PEX5L: variants seen among roughly 807,000 people sequenced by gnomAD.
PEX5L encodes the protein peroxisomal biogenesis factor 5 like, also known as PEX5-related protein.
Under a neutral mutation model 84.0 loss-of-function variants are expected in PEX5L, and 30 were observed. That is an observed-to-expected ratio of 0.36 (90% CI 0.27 to 0.48). The LOEUF is 0.48. PEX5L is among the 20% of genes least tolerant of loss of function. The pLI, the probability that PEX5L is intolerant of heterozygous loss-of-function variation, is 0.99. For synonymous variants in PEX5L, 270 were observed against 283.1 expected (o/e 0.95, Z 0.46); for missense variants, 533 against 754.6 (o/e 0.71, Z 3.44).
At chr3:179,832,635 C>G (rs1267691021) in intron 8 of PEX5L, among the ~76,000 whole-genome samples, 5 of 151,208 alleles carry the variant, frequency 3.3e-5, no homozygotes, top group Non-Finnish European at 7.4e-5. Flanking sequence ...TTCCTACTTA[C>G]TTACCTACCC....
intron 2 of PEX5L, among the ~76,000 whole-genome samples, chr3:179,931,223 A>G (rs540325342): frequency 3.3e-5 from 5 of 152,362 alleles, no homozygotes; most frequent in African/African-American, 1.2e-4. Flanking sequence ...AATTGGTGCC[A>G]GTATTGGGAC....
chr3:179,835,906 G>T (rs1434215447), intron 8 of PEX5L, among the ~76,000 whole-genome samples: 1 of 152,036 alleles, frequency 6.6e-6, no homozygotes, highest in Non-Finnish European at 1.5e-5. Context: ...AGAAAACAAT[G>T]ATTTTTATTT....
intron 2 of PEX5L, among the ~76,000 whole-genome samples, chr3:179,943,753 A>G (rs551559822): frequency 5.9e-5 from 9 of 152,336 alleles, no homozygotes; most frequent in Non-Finnish European, 1.0e-4. Context: ...GAATTCTTAG[A>G]TGCTCAAGTC....
rs1453301367 is a variant in PEX5L, at chr3:179,797,342, A to C, written c.*4486T>G. 2 of 152,168 alleles carry C rather than the reference A, an allele frequency of 1.3e-5. No homozygotes were observed. Among genetic ancestry groups the C allele is most frequent in the Non-Finnish European group, 2.9e-5 (2 of 68,028 alleles). The allele number at this position is 152,168 out of a possible 1,614,324, so 9.4% of individuals were successfully genotyped here. A position where few individuals can be genotyped will look rare whatever the true frequency, so the allele number is the denominator to read the frequency against. On this transcript the variant is annotated 3_prime_UTR_variant, in exon 15 of 15. Transcript: ENST00000467460. Reference sequence around the variant, plus strand: ...AAGAAAAGCAAATAGAAAAACTGTAACACAAAGTTCATAAAAATGCTCCCT... The same window carrying C: ...AAGAAAAGCAAATAGAAAAACTGTACCACAAAGTTCATAAAAATGCTCCCT...
intron 4 of PEX5L, among the ~76,000 whole-genome samples, chr3:179,885,717 G>C (rs1755644913): frequency 6.6e-6 from 1 of 151,700 alleles, no homozygotes; most frequent in Non-Finnish European, 1.5e-5. Flanking sequence ...AAGCACACAT[G>C]CAGAGAAAAC....
chr3:179,844,851 A>AT lies in PEX5L; in HGVS notation c.822+14210dup, dbSNP rs1288407317. On this transcript the variant is annotated intron_variant, in intron 8 of 14. Transcript: ENST00000467460. The stretch of plus-strand genomic sequence containing the variant: ...TCTCAAAAACAAAACAAAACAAAAA[A>AT]TATTAAATAAATAAATGCATCTTTC... 2.0e-4 allele frequency among the ~76,000 whole-genome samples: 30 copies of AT among 152,316 alleles called. 1 individual carries two copies. Among genetic ancestry groups the AT allele is most frequent in the African/African-American group, 7.2e-4 (30 of 41,570 alleles).
At chr3:179,844,983 A>G (rs1435961561) in intron 8 of PEX5L, among the ~76,000 whole-genome samples, 1 of 152,226 alleles carries the variant, frequency 6.6e-6, no homozygotes. Flanking sequence ...GATTGGTCAT[A>G]CTTATTCTGT....
At chr3:179,849,397 A>C (rs1489064625) in intron 8 of PEX5L, among the ~76,000 whole-genome samples, 2 of 152,220 alleles carry the variant, frequency 1.3e-5, no homozygotes, top group South Asian at 4.1e-4. Context: ...TTTCCATCTG[A>C]TCTCATAGCA....
chr3:179,888,606 A>C (rs942112095), intron 3 of PEX5L, among the ~76,000 whole-genome samples: 5 of 150,830 alleles, frequency 3.3e-5, no homozygotes, highest in African/African-American at 1.2e-4. Context: ...GGGAGAAAAC[A>C]CACTTTTGAT....
At chr3:179,815,579 G>T (rs1435768981) in intron 10 of PEX5L, among the ~76,000 whole-genome samples, 1 of 152,116 alleles carries the variant, frequency 6.6e-6, no homozygotes, top group Non-Finnish European at 1.5e-5. Flanking sequence ...AGCAAGACTT[G>T]TCTCAAAAAA....
At chr3:179,825,145 G>C (rs576905293) in intron 8 of PEX5L, among the ~76,000 whole-genome samples, 20 of 152,282 alleles carry the variant, frequency 1.3e-4, no homozygotes, top group African/African-American at 4.8e-4. Context: ...GAGTAACCCT[G>C]CTGATGAAGA....
intron 2 of PEX5L, among the ~76,000 whole-genome samples, chr3:179,905,356 T>C (rs1298497249): frequency 6.6e-6 from 1 of 151,732 alleles, no homozygotes; most frequent in Non-Finnish European, 1.5e-5. Context: ...CACTGCAAGC[T>C]CTGCCTCCCA....
chr3:179,903,783 T>A (rs747108921), intron 2 of PEX5L, among the ~76,000 whole-genome samples: 10 of 152,206 alleles, frequency 6.6e-5, no homozygotes, highest in Non-Finnish European at 1.5e-4. Context: ...TGTGCTCCTG[T>A]AGATTTCTTC....
chr3:179,846,070 T>C (rs1466768922), intron 8 of PEX5L, among the ~76,000 whole-genome samples: 2 of 152,018 alleles, frequency 1.3e-5, no homozygotes, highest in African/African-American at 4.8e-5. Context: ...CTCAGGAGGC[T>C]GAGGCAGCAG....
chr3:179,920,279 T>A (rs1450233416), intron 2 of PEX5L, among the ~76,000 whole-genome samples: 2 of 152,198 alleles, frequency 1.3e-5, no homozygotes, highest in African/African-American at 4.8e-5. Flanking sequence ...CCTTTCTTCA[T>A]CCTGCTCTTT....
At chr3:179,809,201 G>C (rs2108777279) in intron 12 of PEX5L, among the ~76,000 whole-genome samples, 1 of 151,992 alleles carries the variant, frequency 6.6e-6, no homozygotes, top group Admixed American at 6.6e-5. Context: ...CTTCACCTTG[G>C]GTGAATTCTG....
At position 179,795,873 on chromosome 3, in the gene PEX5L, C is replaced by T. The variant is rs1225793685; in HGVS notation, c.*5955G>A. 1.3e-5 allele frequency: 2 copies of T among 152,086 alleles called. No individual in the cohort carries two copies. The highest frequency in any genetic ancestry group is 2.1e-4 in the South Asian group (1 of 4,816). The allele number at this position is 152,086 out of a possible 1,614,324, so 9.4% of individuals were successfully genotyped here. Reference sequence around the variant, plus strand: ...TTTGTAAAAAGTTTAATAAATTAATCAGTTTTTTTTCAACCAATGTAAACA... The same window carrying T: ...TTTGTAAAAAGTTTAATAAATTAATTAGTTTTTTTTCAACCAATGTAAACA... On this transcript the variant is annotated 3_prime_UTR_variant, in exon 15 of 15. Transcript: ENST00000467460.
chr3:179,926,799 C>A (rs1191652142), intron 2 of PEX5L, among the ~76,000 whole-genome samples: 1 of 152,114 alleles, frequency 6.6e-6, no homozygotes, highest in East Asian at 1.9e-4. Flanking sequence ...TGAGTAGATA[C>A]AAAATAAAAT....
intron 8 of PEX5L, among the ~76,000 whole-genome samples, chr3:179,854,942 A>C (rs1194317034): frequency 1.3e-5 from 2 of 152,232 alleles, no homozygotes; most frequent in East Asian, 3.8e-4. Context: ...TGCAATGGCA[A>C]TTGAGTGATC....
Sources: allele counts gnomAD v4.1 joint callset (sites outside exome capture counted in the v4.1 genomes callset), GRCh38; gene constraint gnomAD v4.1.1; transcripts MANE v1.5; gene names NCBI Gene and HGNC (gene_info 2026-07-23, HGNC 2026-07-21).